The following APBA1 variants were observed in gnomAD, a reference collection of about 807,000 sequenced individuals.
APBA1 encodes the protein amyloid beta precursor protein binding family A member 1.
APBA1 carries 55 observed loss-of-function variants against 86.6 expected under a neutral mutation model. The ratio of observed to expected loss-of-function variants is 0.64; its 90% CI spans 0.51 to 0.80. APBA1 has a LOEUF of 0.80. Among genes scored for constraint, APBA1 ranks in the 30% least tolerant of loss-of-function variants. The pLI, the probability that APBA1 is intolerant of heterozygous loss-of-function variation, is 0.00. For synonymous variants in APBA1, 511 were observed against 493.9 expected (o/e 1.03, Z -0.46); for missense variants, 1,090 against 1,183.0 (o/e 0.92, Z 1.15).
intron 2 of APBA1, among the ~76,000 whole-genome samples, chr9:69,491,802 T>C (rs1007381079): frequency 6.6e-6 from 1 of 150,832 alleles, no homozygotes; most frequent in Non-Finnish European, 1.5e-5. Flanking sequence ...TCTTGCTTTG[T>C]TGCCGAGGCT....
chr9:69,476,672 G>C (rs573497290), intron 2 of APBA1, among the ~76,000 whole-genome samples: 3 of 152,158 alleles, frequency 2.0e-5, no homozygotes, highest in Non-Finnish European at 4.4e-5. Flanking sequence ...GTCTGATTTA[G>C]TCTACAGGCT....
intron 1 of APBA1, among the ~76,000 whole-genome samples, chr9:69,606,173 G>T (rs1043296639): frequency 1.3e-5 from 2 of 152,250 alleles, no homozygotes; most frequent in Non-Finnish European, 2.9e-5. Flanking sequence ...TGCAGCCAAA[G>T]AGGGCTCCTT....
At chr9:69,614,167 T>C (rs1037237246) in intron 1 of APBA1, among the ~76,000 whole-genome samples, 1 of 152,222 alleles carries the variant, frequency 6.6e-6, no homozygotes, top group South Asian at 2.1e-4. Context: ...TATTATTTCA[T>C]GGTGACCTGT....
chr9:69,532,628 G>C (rs1467040715), intron 1 of APBA1, among the ~76,000 whole-genome samples: 1 of 152,180 alleles, frequency 6.6e-6, no homozygotes, highest in Non-Finnish European at 1.5e-5. Context: ...CTGCAACCAA[G>C]CCTCATTATT....
intron 3 of APBA1, among the ~76,000 whole-genome samples, chr9:69,474,019 A>G (rs1835405570): frequency 6.6e-6 from 1 of 152,222 alleles, no homozygotes; most frequent in Admixed American, 6.5e-5. Flanking sequence ...GAATATTTAG[A>G]TGTCTGGTTA....
intron 1 of APBA1, among the ~76,000 whole-genome samples, chr9:69,627,113 TA>T (rs1372762967): frequency 6.6e-6 from 1 of 152,086 alleles, no homozygotes; most frequent in African/African-American, 2.4e-5. Flanking sequence ...AGCAGGTCAT[TA>T]GAAAGAATAT....
chr9:69,586,772 T>C (rs1357304134), intron 1 of APBA1, among the ~76,000 whole-genome samples: 1 of 152,134 alleles, frequency 6.6e-6, no homozygotes, highest in African/African-American at 2.4e-5. Flanking sequence ...AAGAACTCTG[T>C]AGAGGTGGGA....
intron 10 of APBA1, 151 bp from the exon 11 acceptor site, chr9:69,441,266 G>A: frequency 1.1e-6 from 1 of 939,198 alleles, no homozygotes; most frequent in Non-Finnish European, 1.5e-6. Flanking sequence ...GCCTGGGCTG[G>A]TACAGTCACT....
chr9:69,584,481 T>C (rs556735720), intron 1 of APBA1, among the ~76,000 whole-genome samples: 37 of 152,316 alleles, frequency 2.4e-4, no homozygotes, highest in African/African-American at 8.7e-4. Flanking sequence ...CTAAGGATGC[T>C]CCCAGATCCT....
At chr9:69,514,706 C>G (rs771414286) in intron 2 of APBA1, among the ~76,000 whole-genome samples, 16 of 152,056 alleles carry the variant, frequency 1.1e-4, no homozygotes, top group Non-Finnish European at 1.9e-4. Flanking sequence ...GCCAGCGGTT[C>G]GAGACCAGCC....
intron 1 of APBA1, among the ~76,000 whole-genome samples, chr9:69,558,150 T>C (rs1209979335): frequency 1.3e-5 from 2 of 152,210 alleles, no homozygotes; most frequent in Non-Finnish European, 2.9e-5. Flanking sequence ...TAAAGTCTAT[T>C]TTGCATGGCA....
chr9:69,666,560 T>C (rs190437047), intron 1 of APBA1, among the ~76,000 whole-genome samples: 2 of 152,220 alleles, frequency 1.3e-5, no homozygotes, highest in East Asian at 3.9e-4. Context: ...TCCTTGCACC[T>C]AGAATAGTTT....
chr9:69,494,971 C>T (rs1296286512), intron 2 of APBA1, among the ~76,000 whole-genome samples: 1 of 152,128 alleles, frequency 6.6e-6, no homozygotes, highest in Non-Finnish European at 1.5e-5. Flanking sequence ...CACAGAAGCA[C>T]AAAACACAAC....
chr9:69,594,002 ATCTTCTGGCGTTAGATTCCGTAGGTCT>A (rs755409992), intron 1 of APBA1, among the ~76,000 whole-genome samples: 29 of 152,154 alleles, frequency 1.9e-4, no homozygotes, highest in Non-Finnish European at 4.1e-4. Context: ...GAGGCGTTGG[ATCTTCTGGCGTTAGATTCCGTAGGTCT>A]TCTTTATTTA....
At chr9:69,446,689 G>A (rs1013516582) in intron 10 of APBA1, among the ~76,000 whole-genome samples, 1 of 152,206 alleles carries the variant, frequency 6.6e-6, no homozygotes, top group African/African-American at 2.4e-5. Flanking sequence ...CGATTCGCAG[G>A]AGGGTGGGGA....
chr9:69,517,172 G>T lies in APBA1; in HGVS notation c.39C>A (p.Thr13=). 4 of 1,553,974 alleles carry T rather than the reference G, an allele frequency of 2.6e-6. No homozygotes were observed. Among genetic ancestry groups the T allele is most frequent in the African/African-American group, 2.7e-5 (2 of 73,178 alleles). ...HLEGSAEVEV[T]DEAAGGEVNE... is the part of the protein sequence containing the mutation. ...TCACCTCCCCACCTGCCGCCTCGTC[G>T]GTCACCTCCACCTCCGCAGACCCCT... is the stretch of plus-strand genomic sequence containing the variant. Residue 13 remains threonine (T), a synonymous_variant, in exon 2 of 13, where the codon ACC becomes ACA. Transcript: ENST00000265381.
intron 11 of APBA1, among the ~76,000 whole-genome samples, chr9:69,437,238 C>CT (rs961146714): frequency 3.6e-4 from 55 of 151,574 alleles, no homozygotes; most frequent in Non-Finnish European, 7.1e-4. Context: ...CTAAAATTAT[C>CT]TTTTTTGGTT....
chr9:69,645,701 C>G (rs1343338604), intron 1 of APBA1, among the ~76,000 whole-genome samples: 1 of 152,188 alleles, frequency 6.6e-6, no homozygotes, highest in Non-Finnish European at 1.5e-5. Context: ...TGTAGCTGCA[C>G]ACTCGACACA....
intron 1 of APBA1, among the ~76,000 whole-genome samples, chr9:69,630,889 C>A (rs1823028972): frequency 6.6e-6 from 1 of 152,202 alleles, no homozygotes; most frequent in Non-Finnish European, 1.5e-5. Context: ...ATCACTTAGT[C>A]TCCAGGGGAC....
Sources: allele counts gnomAD v4.1 joint callset (sites outside exome capture counted in the v4.1 genomes callset), GRCh38; gene constraint gnomAD v4.1.1; transcripts MANE v1.5; gene names NCBI Gene and HGNC (gene_info 2026-07-23, HGNC 2026-07-21).